The following ZNF761 variants were observed in gnomAD, a reference collection of about 807,000 sequenced individuals.
The protein encoded by ZNF761 is zinc finger protein 761.
A neutral mutation model predicts 59.9 loss-of-function variants in ZNF761; 43 were observed. That is an observed-to-expected ratio of 0.72 (90% CI 0.56 to 0.92). The LOEUF (loss-of-function observed/expected upper bound fraction) is 0.92. Ranked by LOEUF, ZNF761 falls within the 40% of genes least tolerant of loss-of-function variation. The pLI is 0.00. For missense variants in ZNF761, 850 were observed against 906.1 expected (o/e 0.94, Z 0.79); for synonymous variants, 294 against 304.8 (o/e 0.96, Z 0.37).
chr19:53,439,608 A>G (rs1030020858), intron 1 of ZNF761, among the ~76,000 whole-genome samples: 1 of 152,176 alleles, frequency 6.6e-6, no homozygotes, highest in African/African-American at 2.4e-5. Context: ...ACTGTAAGCT[A>G]GCACTTGCTG....
At chr19:53,452,625 A>G (rs950586686) in intron 4 of ZNF761, among the ~76,000 whole-genome samples, 2 of 152,200 alleles carry the variant, frequency 1.3e-5, no homozygotes, top group African/African-American at 2.4e-5. Flanking sequence ...ATTTCTCATG[A>G]ATTTGGAAAG....
intron 1 of ZNF761, chr19:53,442,944 A>AT (rs2086115458): frequency 3.1e-6 from 1 of 324,072 alleles, no homozygotes; most frequent in African/African-American, 2.2e-5. Context: ...AGCTCACATC[A>AT]TTTTTTTCTG....
chr19:53,433,797 T>C lies in ZNF761; in HGVS notation c.-185+1769T>C, dbSNP rs562240166. Among the ~76,000 whole-genome samples the C allele has an allele frequency of 4.6e-5, 7 of 152,304 alleles. No individual in the cohort carries two copies. The East Asian group carries it at 1.4e-3, about 29-fold the overall frequency. ...AACCAATTCTTAGTATGGCTAGAAC[T>C]ACTCCTATTAAGGTTTTGAATCTAC... On this transcript the variant is annotated intron_variant, in intron 1 of 4. Transcript: ENST00000684525.
At chr19:53,445,632 G>A (rs948880453) in intron 1 of ZNF761, among the ~76,000 whole-genome samples, 2 of 152,042 alleles carry the variant, frequency 1.3e-5, no homozygotes, top group African/African-American at 4.8e-5. Context: ...TGGCAGAGGG[G>A]AGTGCCCAGC....
intron 1 of ZNF761, among the ~76,000 whole-genome samples, chr19:53,439,352 C>T (rs567568880): frequency 3.3e-5 from 5 of 151,416 alleles, no homozygotes; most frequent in East Asian, 2.0e-4. Flanking sequence ...GTCACCCAGG[C>T]GGGAGTGCAC....
In ZNF761 at chr19:53,456,732, G is replaced by T; in HGVS notation, c.2225G>T (p.Gly742Val). 1.9e-6 allele frequency: 3 copies of T among 1,613,650 alleles called. No individual in the cohort carries two copies. The highest frequency in any genetic ancestry group is 2.5e-6 in the Non-Finnish European group (3 of 1,179,758). The change falls in exon 5 of 5, where the codon GGA (glycine) becomes GTA (valine). Residue 742 changes from glycine (G) to valine (V), a missense_variant. Physicochemically the swap from Gly to Val is moderately radical, Grantham distance 109. Transcript: ENST00000684525. ...ACATGCCATCGTAGACTTCATACTG[G>T]AGAAAAACAAGTGTAATGAATGTGG... ...NLTCHRRLHT[G>V]EKQV
At chr19:53,433,850 C>T (rs565711035) in intron 1 of ZNF761, among the ~76,000 whole-genome samples, 11 of 152,046 alleles carry the variant, frequency 7.2e-5, no homozygotes, top group African/African-American at 1.5e-4. Context: ...CCTCTAAAGA[C>T]GGACTCAAGA....
chr19:53,433,058 G>GC (rs141943560), intron 1 of ZNF761, among the ~76,000 whole-genome samples: 78,842 of 147,508 alleles, frequency 0.53, 20,342 homozygotes, highest in East Asian at 0.66. Flanking sequence ...GGGTATAACA[G>GC]GGAAGAGAGA....
At chr19:53,446,792 G>A (rs2086164897) in intron 2 of ZNF761, among the ~76,000 whole-genome samples, 1 of 152,084 alleles carries the variant, frequency 6.6e-6, no homozygotes, top group South Asian at 2.1e-4. Context: ...AACCATGCCT[G>A]GCTAAGTTTT....
intron 1 of ZNF761, among the ~76,000 whole-genome samples, chr19:53,440,226 G>A (rs2086084813): frequency 6.6e-6 from 1 of 152,236 alleles, no homozygotes; most frequent in Middle Eastern, 3.4e-3. Flanking sequence ...TTACTCTGGA[G>A]GCCAAGGCAG....
chr19:53,438,780 C>T (rs11882218), intron 1 of ZNF761, among the ~76,000 whole-genome samples: 46,369 of 152,082 alleles, frequency 0.3, 7,584 homozygotes, highest in Non-Finnish European at 0.36. Context: ...TATGTAACCT[C>T]TTCATGGAAA....
At chr19:53,433,088 G>GGAGGC (rs1032657339) in intron 1 of ZNF761, among the ~76,000 whole-genome samples, 1 of 151,744 alleles carries the variant, frequency 6.6e-6, no homozygotes, top group Non-Finnish European at 1.5e-5. Context: ...GGAGAGCAAA[G>GGAGGC]GAGGCGCAGA....
At position 53,455,867 on chromosome 19, in the gene ZNF761, A is replaced by T. The variant is rs1485182705; in HGVS notation, c.1360A>T (p.Thr454Ser). The change falls in exon 5 of 5, where the codon ACA becomes TCA. Residue 454 changes from threonine (T) to serine (S), a missense_variant. Transcript: ENST00000684525. ...GACCTTTAGCCGGACATCATCCCTT[A>T]CATGCCATCGTAGACGTCATACTGG... ...GKTFSRTSSL[T>S]CHRRRHTGEQ... is the part of the protein sequence containing the mutation. 5.6e-6 allele frequency: 9 copies of T among 1,613,778 alleles called. No homozygotes were observed. Among genetic ancestry groups the T allele is most frequent in the Non-Finnish European group, 5.9e-6 (7 of 1,179,898 alleles).
At chr19:53,442,900 C>G in intron 1 of ZNF761, 1 of 391,168 alleles carries the variant, frequency 2.6e-6, no homozygotes, top group Non-Finnish European at 4.9e-6. Context: ...TACATAATCA[C>G]TTCTGAAAGA....
chr19:53,455,742 G>A lies in ZNF761; in HGVS notation c.1235G>A (p.Cys412Tyr), dbSNP rs2086262669. 1.4e-5 allele frequency: 22 copies of A among 1,613,952 alleles called. No homozygotes were observed. The highest frequency in any genetic ancestry group is 2.7e-5 in the African/African-American group (2 of 74,864). The part of the protein sequence containing the change: ...RLHTGEKPYK[C>Y]EECDKAYSFR... ...CATACTGGAGAGAAACCTTACAAAT[G>A]TGAAGAATGTGACAAAGCTTACAGT... The change falls in exon 5 of 5, where the codon TGT (cysteine) becomes TAT (tyrosine). Residue 412 changes from cysteine (C) to tyrosine (Y), a missense_variant. Cys to Tyr is a radical substitution (Grantham distance 194). Transcript: ENST00000684525.
At chr19:53,440,605 A>G (rs2086088308) in intron 1 of ZNF761, among the ~76,000 whole-genome samples, 1 of 151,980 alleles carries the variant, frequency 6.6e-6, no homozygotes, top group Admixed American at 6.6e-5. Flanking sequence ...TTTTTGCAGG[A>G]TGGGGTAGGA....
chr19:53,432,471 C>T (rs111254273), intron 1 of ZNF761, among the ~76,000 whole-genome samples: 4,658 of 152,202 alleles, frequency 0.031, 248 homozygotes, highest in African/African-American at 0.11. Flanking sequence ...TCACCTCCCT[C>T]CTTGTGCCGG....
At chr19:53,444,190 C>T (rs2086129753) in intron 1 of ZNF761, 1 of 152,204 alleles carries the variant, frequency 6.6e-6, no homozygotes, top group Non-Finnish European at 1.5e-5. Flanking sequence ...CAGCCCAACA[C>T]CCGTAAAGAG....
At chr19:53,453,382 A>G (rs28396630) in intron 4 of ZNF761, among the ~76,000 whole-genome samples, 2,488 of 152,194 alleles carry the variant, frequency 0.016, 79 homozygotes, top group African/African-American at 0.057. Flanking sequence ...TTCAGTTTTT[A>G]TATTGTGTGC....
Sources: allele counts gnomAD v4.1 joint callset (sites outside exome capture counted in the v4.1 genomes callset), GRCh38; gene constraint gnomAD v4.1.1; transcripts MANE v1.5; gene names NCBI Gene and HGNC (gene_info 2026-07-23, HGNC 2026-07-21).